Variants in BMPR1B observed in about 807,000 individuals in gnomAD.
The protein encoded by BMPR1B is bone morphogenetic protein receptor type-1B.
Under a neutral mutation model 59.1 loss-of-function variants are expected in BMPR1B, and 12 were observed. That is an observed-to-expected ratio of 0.20 (90% CI 0.13 to 0.33). The LOEUF is 0.33. Among genes scored for constraint, BMPR1B ranks in the 10% least tolerant of loss-of-function variants. The probability of loss-of-function intolerance (pLI) is 1.00; values close to 1 mark genes in which losing one functional copy is unlikely to be tolerated. For synonymous variants in BMPR1B, 237 were observed against 207.3 expected, an observed-to-expected ratio of 1.14 and a Z score of -1.23; for missense variants, 550 against 610.9, an observed-to-expected ratio of 0.90 and a Z score of 1.05.
At chr4:95,113,973 A>G (rs566509389) in intron 4 of BMPR1B, among the ~76,000 whole-genome samples, 3 of 152,220 alleles carry the variant, frequency 2.0e-5, no homozygotes, top group African/African-American at 7.2e-5. Flanking sequence ...ACAGAATTTA[A>G]AATTTTATTT....
At chr4:95,106,530 G>A (rs1731210339) in intron 4 of BMPR1B, among the ~76,000 whole-genome samples, 1 of 151,984 alleles carries the variant, frequency 6.6e-6, no homozygotes, top group Non-Finnish European at 1.5e-5. Context: ...TACCATCTAG[G>A]AGGACAACCA....
intron 3 of BMPR1B, among the ~76,000 whole-genome samples, chr4:95,034,645 A>G (rs1725103343): frequency 6.6e-6 from 1 of 151,552 alleles, no homozygotes; most frequent in Middle Eastern, 3.4e-3. Context: ...CCATGTTTAT[A>G]TATATATATA....
intron 3 of BMPR1B, among the ~76,000 whole-genome samples, chr4:95,031,357 G>T (rs530549352): frequency 1.3e-5 from 2 of 152,270 alleles, no homozygotes; most frequent in East Asian, 3.9e-4. Context: ...GGACCCTGAG[G>T]TACATGTGAG....
intron 2 of BMPR1B, among the ~76,000 whole-genome samples, chr4:94,901,961 C>T (rs2149000860): frequency 6.6e-6 from 1 of 150,988 alleles, no homozygotes; most frequent in Middle Eastern, 3.4e-3. Flanking sequence ...GGTATATATT[C>T]ATATGAAGAT....
Position 95,156,893 on chromosome 4 carries a change from A to C in BMPR1B, c.*2220A>C, listed in dbSNP as rs1485259370. On this transcript the variant is annotated 3_prime_UTR_variant, in exon 13 of 13. Coordinates refer to ENST00000515059, the MANE Select transcript of BMPR1B (RefSeq NM_001203.3). ...CAGTGCCTCTAAACAGATCATCTAC[A>C]AAACAACAGGTAAACATTTATGCCA... 3.3e-5 allele frequency: 5 copies of C among 152,190 alleles called. No individual in the cohort carries two copies. The highest frequency in any genetic ancestry group is 5.9e-5 in the Non-Finnish European group (4 of 68,006). 9.4% of individuals were successfully genotyped at this position (152,190 alleles called of 1,614,324 possible). A position where few individuals can be genotyped will look rare whatever the true frequency, so the allele number is the denominator to read the frequency against.
At position 95,027,586 on chromosome 4, in the gene BMPR1B, T is replaced by A. The variant is rs185042720; in HGVS notation, c.-18+31452T>A. 2.6e-5 allele frequency among the ~76,000 whole-genome samples: 4 copies of A among 152,302 alleles called. No individual in the cohort carries two copies. In the East Asian group the frequency reaches 5.8e-4, roughly 22 times the overall value. On this transcript the variant is annotated intron_variant, in intron 3 of 12. Transcript: ENST00000515059. ...GGATAGCTATTTACCAACTTAACAA[T>A]CATAAACTTACTTGCTACCTATATT...
intron 4 of BMPR1B, among the ~76,000 whole-genome samples, chr4:95,111,194 C>T (rs938242367): frequency 2.0e-5 from 3 of 152,080 alleles, no homozygotes; most frequent in Non-Finnish European, 4.4e-5. Flanking sequence ...TTCAAATTTC[C>T]TATCACTTGA....
intron 2 of BMPR1B, among the ~76,000 whole-genome samples, chr4:94,895,855 G>A (rs1356980138): frequency 1.3e-5 from 2 of 151,900 alleles, no homozygotes; most frequent in Admixed American, 1.3e-4. Context: ...AAACACACAA[G>A]TGATAAAAGG....
chr4:95,018,871 T>G (rs1723771308), intron 3 of BMPR1B, among the ~76,000 whole-genome samples: 1 of 152,226 alleles, frequency 6.6e-6, no homozygotes. Context: ...TTCTGCTGCT[T>G]CTTGCTAATT....
At chr4:94,926,758 A>C (rs982544299) in intron 2 of BMPR1B, among the ~76,000 whole-genome samples, 3 of 149,816 alleles carry the variant, frequency 2.0e-5, no homozygotes, top group Non-Finnish European at 2.9e-5. Context: ...TTTGTGGTTT[A>C]AAAAAATAGT....
chr4:94,837,523 G>A (rs1724873117), intron 1 of BMPR1B, among the ~76,000 whole-genome samples: 1 of 145,542 alleles, frequency 6.9e-6, no homozygotes, highest in Non-Finnish European at 1.5e-5. Flanking sequence ...TGAAGCAATT[G>A]TGAATGGGAG....
At chr4:94,955,784 A>G (rs1412821347) in intron 2 of BMPR1B, among the ~76,000 whole-genome samples, 3 of 151,984 alleles carry the variant, frequency 2.0e-5, no homozygotes, top group Non-Finnish European at 4.4e-5. Context: ...GCACGCCCCC[A>G]CACCCGGCTA....
intron 2 of BMPR1B, among the ~76,000 whole-genome samples, chr4:94,973,384 A>G (rs1312136671): frequency 6.6e-6 from 1 of 152,172 alleles, no homozygotes; most frequent in African/African-American, 2.4e-5. Context: ...GGGGAATTTT[A>G]TTGTCAATGA....
At chr4:94,879,383 T>A (rs567913164) in intron 2 of BMPR1B, among the ~76,000 whole-genome samples, 7 of 152,336 alleles carry the variant, frequency 4.6e-5, no homozygotes, top group African/African-American at 1.7e-4. Flanking sequence ...GGAGGATTGC[T>A]AGAGCCCACA....
At chr4:94,914,834 A>T (rs1010540866) in intron 2 of BMPR1B, among the ~76,000 whole-genome samples, 2 of 152,188 alleles carry the variant, frequency 1.3e-5, no homozygotes, top group African/African-American at 4.8e-5. Context: ...AAAACATTTC[A>T]TCTCATTTTG....
At chr4:94,798,917 G>A (rs1010264912) in intron 1 of BMPR1B, among the ~76,000 whole-genome samples, 1 of 151,792 alleles carries the variant, frequency 6.6e-6, no homozygotes, top group African/African-American at 2.4e-5. Flanking sequence ...TCAGAAAGCA[G>A]CATCCAGAGA....
rs35591365 is a variant in BMPR1B, at chr4:95,039,421, CTT to C, written c.-18+43303_-18+43304del. On this transcript the variant is annotated intron_variant, in intron 3 of 12. Transcript: ENST00000515059. ...GTACATGGGGTTCATTTTACTTCTTCTTTTTTTTTTTTTTTTTACACAATCTA... is the reference window on the plus strand; with the variant it reads ...GTACATGGGGTTCATTTTACTTCTTCTTTTTTTTTTTTTTTACACAATCTA... Among the ~76,000 whole-genome samples, 877 of 140,922 alleles carry C rather than the reference CTT, an allele frequency of 6.2e-3. 8 individuals carry two copies. Among genetic ancestry groups the C allele is most frequent in the African/African-American group, 0.018 (706 of 38,228 alleles). 92.5% of individuals were successfully genotyped at this position (140,922 alleles called of 152,430 possible).
chr4:94,881,625 C>A (rs993150508), intron 2 of BMPR1B, among the ~76,000 whole-genome samples: 3 of 151,978 alleles, frequency 2.0e-5, no homozygotes, highest in Non-Finnish European at 4.4e-5. Context: ...ACCACCACAC[C>A]CAGCTAATTT....
At chr4:94,908,061 T>TAAAA (rs571793477) in intron 2 of BMPR1B, among the ~76,000 whole-genome samples, 12 of 46,252 alleles carry the variant, frequency 2.6e-4, no homozygotes, top group African/African-American at 6.5e-4. Flanking sequence ...ACCCTGTCTT[T>TAAAA]AAAAAAAAAA....
Sources: allele counts gnomAD v4.1 joint callset (sites outside exome capture counted in the v4.1 genomes callset), GRCh38; gene constraint gnomAD v4.1.1; transcripts MANE v1.5; gene names NCBI Gene and HGNC (gene_info 2026-07-23, HGNC 2026-07-21).